Variants in TECR observed in about 807,000 individuals in gnomAD.
TECR encodes very-long-chain enoyl-CoA reductase.
TECR carries 19 observed loss-of-function variants against 50.6 expected under a neutral mutation model. That is an observed-to-expected ratio of 0.38 (90% CI 0.26 to 0.55). The LOEUF is 0.55. Ranked by LOEUF, TECR falls within the 20% of genes least tolerant of loss-of-function variation. The probability of loss-of-function intolerance (pLI) is 0.79; values close to 1 mark genes in which losing one functional copy is unlikely to be tolerated. For synonymous variants in TECR, 168 were observed against 163.5 expected (o/e 1.03, Z -0.21); for missense variants, 313 against 408.3 (o/e 0.77, Z 2.01).
intron 1 of TECR, among the ~76,000 whole-genome samples, chr19:14,552,179 T>C (rs1038486684): frequency 4.0e-5 from 6 of 148,944 alleles, no homozygotes; most frequent in Admixed American, 3.4e-4. Context: ...TTTCTTTTTT[T>C]TTTTTTTTGA....
At chr19:14,541,845 CA>C (rs1292462568) in intron 1 of TECR, among the ~76,000 whole-genome samples, 1 of 151,056 alleles carries the variant, frequency 6.6e-6, no homozygotes, top group Non-Finnish European at 1.5e-5. Context: ...TGCAATGGCA[CA>C]ATCTTGGGTC....
chr19:14,541,910 T>C (rs1439598223), intron 1 of TECR, among the ~76,000 whole-genome samples: 2 of 151,578 alleles, frequency 1.3e-5, no homozygotes, highest in African/African-American at 2.4e-5. Context: ...AGCCTCCCGA[T>C]TGGCTGGGAT....
At position 14,563,323 on chromosome 19, in the gene TECR, G is replaced by A. The variant is rs563728766; in HGVS notation, c.118+66G>A. ...TGACCAGGGACCTTAGGGTGGGAGG[G>A]ATCCCATCCTGCACCCCTCTCCCAG... On this transcript the variant is annotated intron_variant, in intron 3 of 12. Coordinates refer to ENST00000215567, the MANE Select transcript of TECR (RefSeq NM_138501.6). This position sits in a 1 kb window ranked among gnomAD's most constrained non-coding sequence, Gnocchi z 5.3. 43 of 1,420,492 alleles carry A rather than the reference G, an allele frequency of 3.0e-5. No homozygotes were observed. The highest frequency in any genetic ancestry group is 2.4e-4 in the African/African-American group (17 of 71,204). 88.0% of individuals were successfully genotyped at this position (1,420,492 alleles called of 1,614,324 possible).
intron 1 of TECR, among the ~76,000 whole-genome samples, chr19:14,549,827 C>T (rs560363218): frequency 1.3e-5 from 2 of 152,050 alleles, no homozygotes; most frequent in East Asian, 3.9e-4. Flanking sequence ...CCCGTAATCC[C>T]AGCTACTCAG....
intron 1 of TECR, among the ~76,000 whole-genome samples, chr19:14,556,419 C>CAAAAACAA (rs1400822860): frequency 1.3e-5 from 2 of 150,638 alleles, no homozygotes; most frequent in Non-Finnish European, 1.5e-5. Flanking sequence ...AAAAAAAAAA[C>CAAAAACAA]AAAAACAAAA....
Position 14,563,251 on chromosome 19 carries a change from A to G in TECR, c.112A>G (p.Lys38Glu). 6.2e-7 allele frequency: 1 copy of G among 1,613,298 alleles called. No homozygotes were observed. Among genetic ancestry groups the G allele is most frequent in the South Asian group, 1.1e-5 (1 of 91,058 alleles). The change falls in exon 3 of 13, where the codon AAG becomes GAG. Residue 38 changes from lysine (K) to glutamate (E), a missense_variant. Lys to Glu is a moderately conservative substitution (Grantham distance 56). Coordinates refer to ENST00000215567, the MANE Select transcript of TECR (RefSeq NM_138501.6). This position sits in a 1 kb window ranked among gnomAD's most constrained non-coding sequence, Gnocchi z 5.3. ...TIAEIKNLFT[K>E]THPQWYPARQ... ...TGCGGAGATCAAGAACCTCTTCACT[A>G]AGACCCGTGAGTTCTAGTCCCGGCC...
At chr19:14,540,870 TCTTG>T in intron 1 of TECR, among the ~76,000 whole-genome samples, 1 of 152,192 alleles carries the variant, frequency 6.6e-6, no homozygotes, top group East Asian at 1.9e-4. Flanking sequence ...GGAGTTTTGC[TCTTG>T]CCCAGGCTGG....
chr19:14,530,743 G>T (rs2072612074), intron 1 of TECR: 1 of 152,142 alleles, frequency 6.6e-6, no homozygotes, highest in Non-Finnish European at 1.5e-5. Context: ...GCGATTTCTT[G>T]TTTCTCACTT....
intron 1 of TECR, among the ~76,000 whole-genome samples, chr19:14,535,464 G>A (rs553409971): frequency 1.5e-3 from 178 of 118,902 alleles, no homozygotes; most frequent in African/African-American, 5.5e-3. Context: ...CCGAGATCGC[G>A]CCACTGCACT....
intron 1 of TECR, among the ~76,000 whole-genome samples, chr19:14,558,982 CG>C (rs1345562517): frequency 6.6e-6 from 1 of 151,572 alleles, no homozygotes; most frequent in Non-Finnish European, 1.5e-5. Context: ...CCTGGGCAGG[CG>C]TGTGTGTGTG....
intron 1 of TECR, among the ~76,000 whole-genome samples, chr19:14,560,062 G>A (rs769350294): frequency 2.6e-5 from 4 of 152,150 alleles, no homozygotes; most frequent in Non-Finnish European, 5.9e-5. Flanking sequence ...TCCTCTCCTT[G>A]GGCCTCAGGC....
At chr19:14,529,375 T>G, upstream of TECR, 5 of 513,006 alleles carry the variant, frequency 9.7e-6, no homozygotes, top group Non-Finnish European at 7.1e-6. Context: ...GAGACCTCCT[T>G]TGGATTGGTG....
At chr19:14,535,432 G>GGGA (rs2072827376) in intron 1 of TECR, among the ~76,000 whole-genome samples, 1 of 137,926 alleles carries the variant, frequency 7.3e-6, no homozygotes, top group African/African-American at 2.7e-5. Flanking sequence ...GGCTTGACCC[G>GGGA]GGAGGCGGAG....
rs545193107 is a variant in TECR at position 14,544,635 on chromosome 19, CTTT to C, written c.15+14938_15+14940del. 5.0e-3 allele frequency among the ~76,000 whole-genome samples: 671 copies of C among 134,166 alleles called. 3 individuals are homozygous for C. Among genetic ancestry groups the C allele is most frequent in the African/African-American group, 0.014 (493 of 36,084 alleles). 88.0% of individuals were successfully genotyped at this position (134,166 alleles called of 152,430 possible). ...TTGCTGCTGCGGTGTTTGGCCATTCCTTTTTTTTTTTTTTTTGAGACAGGGTCT... is the reference window on the plus strand; with the variant it reads ...TTGCTGCTGCGGTGTTTGGCCATTCCTTTTTTTTTTTTTGAGACAGGGTCT... On this transcript the variant is annotated intron_variant, in intron 1 of 12. Transcript: ENST00000215567.
rs1453013764 is a variant in TECR at position 14,529,789 on chromosome 19, A to C, written c.15+78A>C. ...CTTCTTTGCGGGACCACGGGACCCCACTTTCTGGTCCTGTGCCCCGAAGGA... is the reference window on the plus strand; with the variant it reads ...CTTCTTTGCGGGACCACGGGACCCCCCTTTCTGGTCCTGTGCCCCGAAGGA... On this transcript the variant is annotated intron_variant, in intron 1 of 12. Coordinates refer to ENST00000215567, the MANE Select transcript of TECR (RefSeq NM_138501.6). 1.2e-5 allele frequency: 20 copies of C among 1,601,824 alleles called. No homozygotes were observed. In the Admixed American group the frequency reaches 2.7e-4, roughly 22 times the overall value.
chr19:14,543,417 A>ATTTTTTTTTTTTTTTT (rs2073187199), intron 1 of TECR, among the ~76,000 whole-genome samples: 1 of 9,992 alleles, frequency 1.0e-4, no homozygotes, highest in Non-Finnish European at 2.0e-4. Context: ...ATATATATAT[A>ATTTTTTTTTTTTTTTT]TATTTTTTTT....
intron 1 of TECR, among the ~76,000 whole-genome samples, chr19:14,534,207 CTCCGCCTCCCGGGT>C (rs2072778321): frequency 6.6e-6 from 1 of 151,758 alleles, no homozygotes; most frequent in Non-Finnish European, 1.5e-5. Flanking sequence ...TCACTGTAAG[CTCCGCCTCCCGGGT>C]TCACGCCATT....
At chr19:14,543,389 AT>A (rs1300619171) in intron 1 of TECR, among the ~76,000 whole-genome samples, 2 of 5,868 alleles carry the variant, frequency 3.4e-4, no homozygotes, top group African/African-American at 1.4e-3. Context: ...GTTTCAGAGA[AT>A]ATATATATAT....
chr19:14,564,322 G>A (rs1166799097), intron 7 of TECR, 35 bp downstream of exon 7: 1 of 1,425,726 alleles, frequency 7.0e-7, no homozygotes, highest in East Asian at 2.6e-5. Context: ...CCTAAGCCCC[G>A]CCTTTCTGCC....
Sources: gnomAD v4.1 joint callset for allele counts (sites outside exome capture counted in the v4.1 genomes callset) on GRCh38, gnomAD v4.1.1 for gene constraint, Gnocchi (gnomAD v3.1) non-coding constraint, MANE v1.5 for transcripts, NCBI Gene and HGNC (gene_info 2026-07-23, HGNC 2026-07-21) for gene names.